Variants in CLVS1 observed in about 807,000 individuals in gnomAD.
CLVS1 encodes the protein clavesin 1.
Under a neutral mutation model 33.1 loss-of-function variants are expected in CLVS1, and 10 were observed. That is an observed-to-expected ratio of 0.30 (90% CI 0.19 to 0.51). The LOEUF (loss-of-function observed/expected upper bound fraction) is 0.51, where lower values mean the gene tolerates loss of function less well. CLVS1 is among the 20% of genes least tolerant of loss of function. The pLI is 0.97. For missense variants in CLVS1, 343 were observed against 433.4 expected (o/e 0.79, Z 1.85); for synonymous variants, 163 against 166.1 (o/e 0.98, Z 0.14).
At chr8:61,429,361 T>C (rs767299382) in intron 3 of CLVS1, among the ~76,000 whole-genome samples, 2 of 144,880 alleles carry the variant, frequency 1.4e-5, no homozygotes, top group Non-Finnish European at 3.0e-5. Context: ...TAGAGGTTGC[T>C]GTGAGCTGAG....
At chr8:61,332,963 C>T (rs900252614) in intron 2 of CLVS1, among the ~76,000 whole-genome samples, 1 of 152,200 alleles carries the variant, frequency 6.6e-6, no homozygotes, top group Non-Finnish European at 1.5e-5. Flanking sequence ...CTTCCATCTT[C>T]ATGTATAAAG....
chr8:61,262,338 C>T (rs1027616724), intron 2 of CLVS1, among the ~76,000 whole-genome samples: 2 of 152,014 alleles, frequency 1.3e-5, no homozygotes, highest in African/African-American at 4.8e-5. Context: ...TAAAACATGT[C>T]ATACGATGCT....
chr8:61,076,958 T>C (rs1804923942), intron 1 of CLVS1, among the ~76,000 whole-genome samples: 1 of 152,252 alleles, frequency 6.6e-6, no homozygotes, highest in Non-Finnish European at 1.5e-5. Context: ...TGCGTTTCCC[T>C]GAGGCGTGGT....
At chr8:61,451,818 G>C (rs879518993) in intron 3 of CLVS1, among the ~76,000 whole-genome samples, 1,770 of 150,556 alleles carry the variant, frequency 0.012, 16 homozygotes, top group Non-Finnish European at 0.016. Flanking sequence ...CACACAGAGA[G>C]AGAGAGAGAG....
At chr8:61,217,422 T>A (rs1016995712) in intron 2 of CLVS1, among the ~76,000 whole-genome samples, 2 of 152,164 alleles carry the variant, frequency 1.3e-5, no homozygotes, top group Admixed American at 6.6e-5. Context: ...AAAATGTCAA[T>A]GCTATGGATA....
upstream of CLVS1, chr8:61,057,062 G>C (rs1804484063): frequency 6.6e-6 from 1 of 152,160 alleles, no homozygotes; most frequent in Non-Finnish European, 1.5e-5. Flanking sequence ...CTGAGGGTGA[G>C]GGGGGAGTAG....
At chr8:61,486,755 T>C (rs1402474624) in intron 5 of CLVS1, among the ~76,000 whole-genome samples, 1 of 152,174 alleles carries the variant, frequency 6.6e-6, no homozygotes, top group Admixed American at 6.5e-5. Context: ...CTCACTAAAG[T>C]ATCATCACCC....
Position 61,265,775 on chromosome 8 carries a change from G to A in CLVS1, c.-151-33902G>A, listed in dbSNP as rs1288658170. 2.0e-5 allele frequency among the ~76,000 whole-genome samples: 3 copies of A among 152,270 alleles called. No individual in the cohort carries two copies. In the South Asian group the frequency reaches 6.2e-4, roughly 32 times the overall value. ...AGCATCTGGGCCCCTCACCAGGCCT[G>A]CTGGGCCACAGCCACTCAGGTCCTG... is the stretch of plus-strand genomic sequence containing the variant. On this transcript the variant is annotated intron_variant, in intron 2 of 2. Transcript: ENST00000522621.
chr8:61,481,268 C>G (rs10481231), intron 5 of CLVS1, among the ~76,000 whole-genome samples: 85,598 of 151,474 alleles, frequency 0.57, 27,699 homozygotes, highest in Non-Finnish European at 0.72. Flanking sequence ...TAAATATGAG[C>G]AGCTCCAGTC....
chr8:61,263,122 C>G (rs1032057344), intron 2 of CLVS1, among the ~76,000 whole-genome samples: 1 of 152,080 alleles, frequency 6.6e-6, no homozygotes, highest in Non-Finnish European at 1.5e-5. Context: ...CAAAGATGTC[C>G]CCGGCTAAGT....
intron 1 of CLVS1, among the ~76,000 whole-genome samples, chr8:61,094,588 G>C (rs1805315161): frequency 1.3e-5 from 2 of 152,258 alleles, no homozygotes; most frequent in South Asian, 4.1e-4. Context: ...CAGTACCTTA[G>C]AGTGTGACTG....
At chr8:61,352,088 C>T (rs1416885006) in intron 2 of CLVS1, among the ~76,000 whole-genome samples, 2 of 151,972 alleles carry the variant, frequency 1.3e-5, no homozygotes, top group African/African-American at 4.8e-5. Context: ...AACACAAATT[C>T]TAACACCATC....
intron 2 of CLVS1, among the ~76,000 whole-genome samples, chr8:61,265,728 C>T (rs1453519038): frequency 6.6e-6 from 1 of 152,150 alleles, no homozygotes; most frequent in South Asian, 2.1e-4. Flanking sequence ...CTCCACTTAC[C>T]CTCTGTTACT....
At chr8:61,283,598 T>G (rs1403113255), upstream of CLVS1, among the ~76,000 whole-genome samples, 1 of 152,196 alleles carries the variant, frequency 6.6e-6, no homozygotes, top group Non-Finnish European at 1.5e-5. Context: ...TCCCCCACCA[T>G]GATAGCTTTC....
chr8:61,253,586 A>G (rs1314556640), intron 2 of CLVS1, among the ~76,000 whole-genome samples: 2 of 152,216 alleles, frequency 1.3e-5, no homozygotes, highest in Non-Finnish European at 1.5e-5. Flanking sequence ...GTCTTTTCAC[A>G]TAGTACCATA....
intron 3 of CLVS1, among the ~76,000 whole-genome samples, chr8:61,431,036 T>G (rs925143761): frequency 1.3e-5 from 2 of 152,232 alleles, no homozygotes; most frequent in African/African-American, 4.8e-5. Context: ...TAGAACTGTA[T>G]GACTTTCATA....
chr8:61,279,819 T>G (rs1297942670), intron 2 of CLVS1, among the ~76,000 whole-genome samples: 3 of 152,240 alleles, frequency 2.0e-5, no homozygotes, highest in Non-Finnish European at 2.9e-5. Flanking sequence ...TTTCAGAGTC[T>G]GAATAAAATT....
chr8:61,289,809 T>C (rs1809919967), intron 1 of CLVS1, among the ~76,000 whole-genome samples: 1 of 152,216 alleles, frequency 6.6e-6, no homozygotes, highest in Admixed American at 6.5e-5. Flanking sequence ...TTAAGTCTCT[T>C]TGAGAATGAG....
At chr8:61,296,628 A>T (rs971979682) in intron 1 of CLVS1, among the ~76,000 whole-genome samples, 6 of 152,202 alleles carry the variant, frequency 3.9e-5, no homozygotes, top group Admixed American at 1.3e-4. Flanking sequence ...GTAGATGAGG[A>T]AGGACATTAA....
Sources: gnomAD v4.1 joint callset for allele counts (sites outside exome capture counted in the v4.1 genomes callset) on GRCh38, gnomAD v4.1.1 for gene constraint, MANE v1.5 for transcripts, NCBI Gene and HGNC (gene_info 2026-07-23, HGNC 2026-07-21) for gene names.